Variants in ZC3HAV1 observed in about 807,000 individuals in gnomAD.
ZC3HAV1 encodes zinc finger CCCH-type antiviral protein 1.
Under a neutral mutation model 86.6 loss-of-function variants are expected in ZC3HAV1, and 41 were observed. The ratio of observed to expected loss-of-function variants is 0.47; its 90% confidence interval spans 0.37 to 0.61. The LOEUF (loss-of-function observed/expected upper bound fraction) is 0.61, where lower values mean the gene tolerates loss of function less well. Among genes scored for constraint, ZC3HAV1 ranks in the 20% least tolerant of loss-of-function variants. ZC3HAV1 has a pLI of 0.00. For missense variants in ZC3HAV1, 964 were observed against 1,141.1 expected (o/e 0.84, Z 2.24); for synonymous variants, 421 against 432.1 (o/e 0.97, Z 0.32).
rs184863894 is a variant in ZC3HAV1 at position 139,064,025 on chromosome 7, T to C, written c.1993+854A>G. On this transcript the variant is annotated intron_variant, in intron 8 of 12. Coordinates refer to ENST00000242351, the MANE Select transcript of ZC3HAV1 (RefSeq NM_020119.4). The stretch of plus-strand genomic sequence containing the variant: ...CTAGTGAATTATTTCCTAAGAAAGG[T>C]TCCTAAGGGAATGAAAAGACAAACA... Among the ~76,000 whole-genome samples, 20 of 152,304 alleles carry C rather than the reference T, an allele frequency of 1.3e-4. No individual in the cohort carries two copies. The East Asian group carries it at 3.9e-3, about 29-fold the overall frequency.
chr7:139,059,646 T>A (rs1256745655), intron 9 of ZC3HAV1, among the ~76,000 whole-genome samples: 2 of 151,860 alleles, frequency 1.3e-5, no homozygotes, highest in African/African-American at 4.8e-5. Context: ...TGAAAGGGAC[T>A]TTAGATAGCT....
intron 12 of ZC3HAV1, among the ~76,000 whole-genome samples, chr7:139,051,623 C>A (rs531464057): frequency 6.6e-6 from 1 of 152,210 alleles, no homozygotes; most frequent in South Asian, 2.1e-4. Context: ...AAGGTCTCGC[C>A]ATGTTGCCCA....
intron 3 of ZC3HAV1, 37 bp from the exon 4 acceptor site, chr7:139,080,280 G>T: frequency 6.2e-7 from 1 of 1,611,828 alleles, no homozygotes. Context: ...ACAAAATAAT[G>T]AACATTGGAG....
At chr7:139,061,228 G>A in intron 8 of ZC3HAV1, 90 bp from the exon 9 acceptor site, 4 of 1,270,464 alleles carry the variant, frequency 3.1e-6, no homozygotes, top group South Asian at 2.7e-5. Context: ...TATTTACACG[G>A]CAAATATTCA....
rs147218499 is a variant in ZC3HAV1, at chr7:139,102,876, C to T, written c.308+6148G>A. Among the ~76,000 whole-genome samples the T allele has an allele frequency of 4.6e-3, 694 of 150,810 alleles. 5 individuals are homozygous for T. Among genetic ancestry groups the T allele is most frequent in the African/African-American group, 0.016 (650 of 40,990 alleles). ...TGGAGGCTGCAGTGAGCCATATTTG[C>T]ACCACCACACTCCAGAGTGGTGACA... On this transcript the variant is annotated intron_variant, in intron 1 of 12. Coordinates refer to ENST00000242351, the MANE Select transcript of ZC3HAV1 (RefSeq NM_020119.4).
intron 2 of ZC3HAV1, among the ~76,000 whole-genome samples, chr7:139,087,840 T>G (rs6467821): frequency 0.29 from 44,486 of 151,028 alleles, 7,689 homozygotes; most frequent in African/African-American, 0.47. Flanking sequence ...ACCAGCCTGG[T>G]CAACATAGTG....
intron 1 of ZC3HAV1, among the ~76,000 whole-genome samples, chr7:139,101,426 T>C (rs1214943204): frequency 2.4e-5 from 3 of 122,820 alleles, no homozygotes; most frequent in Admixed American, 8.8e-5. Flanking sequence ...GCCCATCGTC[T>C]GAGATGCGGG....
chr7:139,078,676 T>C (rs765800741), intron 4 of ZC3HAV1, 23 bp from the exon 5 acceptor site: 6 of 1,520,932 alleles, frequency 3.9e-6, no homozygotes, highest in Admixed American at 4.7e-5. Flanking sequence ...AAAGGATGCA[T>C]GTATGCTGAT....
intron 8 of ZC3HAV1, among the ~76,000 whole-genome samples, chr7:139,063,240 T>C (rs1476525982): frequency 2.7e-5 from 3 of 110,312 alleles, no homozygotes; most frequent in African/African-American, 5.0e-5. Flanking sequence ...AACAATACAA[T>C]ACCACCTAAG....
At chr7:139,054,166 C>T in intron 10 of ZC3HAV1, 71 bp from the exon 11 acceptor site, 1 of 1,406,408 alleles carries the variant, frequency 7.1e-7, no homozygotes, top group Non-Finnish European at 9.4e-7. Context: ...ACATATGTGC[C>T]CCCTTATGCC....
intron 1 of ZC3HAV1, among the ~76,000 whole-genome samples, chr7:139,097,784 T>C (rs970937367): frequency 6.6e-6 from 1 of 151,530 alleles, no homozygotes; most frequent in Non-Finnish European, 1.5e-5. Context: ...CCCAGAAAAG[T>C]ATTGCCTGGG....
intron 12 of ZC3HAV1, among the ~76,000 whole-genome samples, chr7:139,048,268 C>A (rs1172695875): frequency 6.6e-6 from 1 of 152,126 alleles, no homozygotes; most frequent in Non-Finnish European, 1.5e-5. Flanking sequence ...CACAGCAGAC[C>A]AACAATTTCC....
intron 7 of ZC3HAV1, among the ~76,000 whole-genome samples, chr7:139,065,552 T>C (rs576080614): frequency 1.3e-5 from 2 of 152,296 alleles, no homozygotes; most frequent in South Asian, 4.1e-4. Flanking sequence ...TGGCCGAGCC[T>C]CCTGCTAGCC....
chr7:139,089,508 C>A (rs1490262228), intron 2 of ZC3HAV1, 116 bp downstream of exon 2: 1 of 1,320,982 alleles, frequency 7.6e-7, no homozygotes, highest in Non-Finnish European at 1.0e-6. Flanking sequence ...GCCTCGACTA[C>A]CACCTGCAGA....
At chr7:139,099,232 G>A (rs1162800073) in intron 1 of ZC3HAV1, among the ~76,000 whole-genome samples, 1 of 151,766 alleles carries the variant, frequency 6.6e-6, no homozygotes, top group Admixed American at 6.6e-5. Context: ...ATTCTTACAG[G>A]GTGCACCCTT....
intron 11 of ZC3HAV1, 71 bp from the exon 12 acceptor site, chr7:139,053,652 G>A (rs1451092121): frequency 1.3e-5 from 20 of 1,485,384 alleles, no homozygotes; most frequent in East Asian, 2.4e-5. Context: ...ATTAATCCCA[G>A]CTAAAGTCTA....
rs1207825176 is a variant in ZC3HAV1 at position 139,053,996 on chromosome 7, C to T, written c.2287G>A (p.Glu763Lys). ...AATTTATCCAGGAGCTCTGAGTTCTCGATCTTCTTTATCTTTTCAATCTTG... is the reference window on the plus strand; with the variant it reads ...AATTTATCCAGGAGCTCTGAGTTCTTGATCTTCTTTATCTTTTCAATCTTG... The part of the protein sequence containing the change: ...NFKIEKIKKI[E>K]NSELLDKFTW... The change falls in exon 11 of 13, where the codon GAG becomes AAG. Residue 763 changes from glutamate (E) to lysine (K), a missense_variant. By Grantham distance (56) the Glu-to-Lys change is moderately conservative (BLOSUM62 1). Transcript: ENST00000242351. The T allele has an allele frequency of 2.5e-6, 4 of 1,606,550 alleles. No homozygotes were observed. The highest frequency in any genetic ancestry group is 1.7e-4 in the Middle Eastern group (1 of 6,036).
At chr7:139,087,291 G>A (rs1817297143) in intron 2 of ZC3HAV1, among the ~76,000 whole-genome samples, 1 of 152,144 alleles carries the variant, frequency 6.6e-6, no homozygotes, top group Non-Finnish European at 1.5e-5. Flanking sequence ...GGAGGACTGG[G>A]TTAGTACCTA....
chr7:139,053,569 C>A lies in ZC3HAV1; in HGVS notation c.2331G>T (p.Gln777His). 2 of 1,597,078 alleles carry A rather than the reference C, an allele frequency of 1.3e-6. No individual in the cohort carries two copies. Among genetic ancestry groups the A allele is most frequent in the Middle Eastern group, 1.7e-4 (1 of 5,982 alleles). The part of the protein sequence containing the change: ...LLDKFTWKKS[Q>H]MKEEGKLLFY... Reference sequence around the variant, plus strand: ...ATAGGAGTTTTCCTTCTTCCTTCATCTGCGATTTCTTCCTAATATAAGAGA... The same window carrying A: ...ATAGGAGTTTTCCTTCTTCCTTCATATGCGATTTCTTCCTAATATAAGAGA... Residue 777 changes from glutamine (Q) to histidine (H), a missense_variant, in exon 12 of 13, where the codon CAG (glutamine) becomes CAT (histidine). Physicochemically the swap from Gln to His is conservative, Grantham distance 24. Transcript: ENST00000242351.
Sources: allele counts gnomAD v4.1 joint callset (sites outside exome capture counted in the v4.1 genomes callset), GRCh38; gene constraint gnomAD v4.1.1; transcripts MANE v1.5; gene names NCBI Gene and HGNC (gene_info 2026-07-23, HGNC 2026-07-21).